Variants in ABCA12 observed in about 807,000 individuals in gnomAD.
ABCA12 encodes the protein glucosylceramide transporter ABCA12.
Under a neutral mutation model 293.5 loss-of-function variants are expected in ABCA12, and 156 were observed. The ratio of observed to expected loss-of-function variants is 0.53; its 90% confidence interval spans 0.47 to 0.61. ABCA12 has a LOEUF of 0.61. Ranked by LOEUF, ABCA12 falls within the 20% of genes least tolerant of loss-of-function variation. The probability of loss-of-function intolerance (pLI) is 0.00; values close to 1 mark genes in which losing one functional copy is unlikely to be tolerated. For missense variants in ABCA12, 2,797 were observed against 3,090.2 expected, an observed-to-expected ratio of 0.91 and a Z score of 2.25; for synonymous variants, 1,063 against 1,108.0, an observed-to-expected ratio of 0.96 and a Z score of 0.81.
chr2:215,016,939 T>C (rs1700518502), intron 14 of ABCA12, among the ~76,000 whole-genome samples: 1 of 152,208 alleles, frequency 6.6e-6, no homozygotes, highest in Non-Finnish European at 1.5e-5. Context: ...ACTCTCCATT[T>C]ACACGTTTTA....
intron 17 of ABCA12, 73 bp from the exon 18 acceptor site, chr2:215,010,543 G>A (rs1700349089): frequency 3.9e-6 from 6 of 1,527,338 alleles, no homozygotes; most frequent in Non-Finnish European, 5.4e-6. Flanking sequence ...CAAATTGACA[G>A]AGATTATTCT....
chr2:214,953,620 G>A (rs1006908079), intron 44 of ABCA12, among the ~76,000 whole-genome samples: 6 of 152,122 alleles, frequency 3.9e-5, no homozygotes, highest in Non-Finnish European at 7.4e-5. Context: ...TAACAACTGT[G>A]CTTATTTAAT....
intron 51 of ABCA12, among the ~76,000 whole-genome samples, chr2:214,936,999 ATAAT>A (rs1420536755): frequency 3.3e-5 from 5 of 152,162 alleles, no homozygotes; most frequent in African/African-American, 9.7e-5. Flanking sequence ...ACAAAAATAT[ATAAT>A]TAATTGATGC....
chr2:214,982,527 T>A, intron 29 of ABCA12, 144 bp from the exon 30 acceptor site: 1 of 645,024 alleles, frequency 1.6e-6, no homozygotes, highest in Non-Finnish European at 2.6e-6. Context: ...GGATTCATAA[T>A]ATAGTTTTCT....
intron 28 of ABCA12, among the ~76,000 whole-genome samples, chr2:214,984,083 A>C (rs1699731454): frequency 6.8e-6 from 1 of 147,604 alleles, no homozygotes; most frequent in Non-Finnish European, 1.5e-5. Context: ...TGATGACAAA[A>C]ACGATCAGGC....
intron 1 of ABCA12, among the ~76,000 whole-genome samples, chr2:215,125,308 T>C (rs1457297309): frequency 1.3e-5 from 2 of 152,162 alleles, no homozygotes; most frequent in African/African-American, 4.8e-5. Context: ...CATATGAATT[T>C]TAGAATTACT....
At chr2:214,963,664 A>G (rs188655940) in intron 39 of ABCA12, among the ~76,000 whole-genome samples, 116 of 150,484 alleles carry the variant, frequency 7.7e-4, no homozygotes, top group African/African-American at 2.6e-3. Context: ...CTGTAATCCC[A>G]GCACTTTGGG....
chr2:215,117,604 G>T lies in ABCA12; in HGVS notation c.70-5914C>A, dbSNP rs192511115. Among the ~76,000 whole-genome samples the T allele has an allele frequency of 4.7e-4, 71 of 152,186 alleles. 1 individual carries two copies. The highest frequency in any genetic ancestry group is 2.9e-5 in the Non-Finnish European group (2 of 68,004). ...GGCAAAGCATATAATTTCAACTTTA[G>T]GTCATCACTACTTTATTACGTTGTC... is the stretch of plus-strand genomic sequence containing the variant. On this transcript the variant is annotated intron_variant, in intron 1 of 52. Coordinates refer to ENST00000272895, the MANE Select transcript of ABCA12 (RefSeq NM_173076.3).
intron 23 of ABCA12, among the ~76,000 whole-genome samples, chr2:214,995,584 C>A (rs1228916712): frequency 2.0e-5 from 3 of 152,232 alleles, no homozygotes; most frequent in African/African-American, 7.2e-5. Context: ...CTGAGCTGAA[C>A]CTTACATCTT....
In ABCA12 at chr2:215,049,686, G is replaced by A; in HGVS notation, c.633C>T (p.Cys211=). The stretch of plus-strand genomic sequence containing the variant: ...ACTCTAAAAGGGTCATGTTAGAAAG[G>A]CAAAATTTGTTAAAAACATTTCTTC... ...FLGRNVFNKF[C]LSNMTLLESS... Residue 211 remains cysteine (C), a synonymous_variant, in exon 6 of 53, where the codon TGC becomes TGT. Transcript: ENST00000272895. 1 of 1,613,616 alleles carries A rather than the reference G, an allele frequency of 6.2e-7. No homozygotes were observed.
intron 7 of ABCA12, among the ~76,000 whole-genome samples, chr2:215,045,419 G>T (rs1430783261): frequency 1.3e-5 from 2 of 152,152 alleles, no homozygotes; most frequent in Admixed American, 1.3e-4. Flanking sequence ...TTACCAATAT[G>T]GTTGTTTTAT....
rs200854433 is a variant in ABCA12 at position 215,031,834 on chromosome 2, T to C, written c.1048A>G (p.Ser350Gly). 9.3e-6 allele frequency: 15 copies of C among 1,613,892 alleles called. 1 individual carries two copies. Among genetic ancestry groups the C allele is most frequent in the Admixed American group, 5.0e-5 (3 of 60,006 alleles). Residue 350 changes from serine (S) to glycine (G), a missense_variant, in exon 9 of 53, where the codon AGT becomes GGT. This residue lies in a region of ABCA12 where 656 missense variants were observed against 638.2 expected (regional missense o/e 1.03). Transcript: ENST00000272895. ...ACAAAGACTTACTGTGCAGCCAGAC[T>C]GCTTGGAGATAAGGTCTGTCCATCA... ...EDDGQTLSPS[S>G]LAAQLLILEN...
intron 41 of ABCA12, 104 bp downstream of exon 41, chr2:214,958,173 A>C: frequency 6.9e-7 from 1 of 1,453,256 alleles, no homozygotes; most frequent in East Asian, 2.3e-5. Flanking sequence ...TCTTTGTGAT[A>C]ACAATTTGAA....
At chr2:215,000,194 T>G (rs1452998172) in intron 22 of ABCA12, among the ~76,000 whole-genome samples, 1 of 152,206 alleles carries the variant, frequency 6.6e-6, no homozygotes, top group African/African-American at 2.4e-5. Flanking sequence ...GAACTGATAA[T>G]ACATGAAAGT....
In ABCA12 at chr2:215,011,627, A is replaced by G; in HGVS notation, c.2144T>C (p.Met715Thr). The change falls in exon 17 of 53, where the codon ATG becomes ACG. Residue 715 changes from methionine (M) to threonine (T), a missense_variant. By Grantham distance (81) the Met-to-Thr change is moderately conservative. This residue lies in a region of ABCA12 where 2,130 missense variants were observed against 2,427.0 expected (regional missense o/e 0.88). Coordinates refer to ENST00000272895, the MANE Select transcript of ABCA12 (RefSeq NM_173076.3). ...GCTAAATGATCCTTGTGGTGTGTTC[A>G]TTCGGTTGCTTCTGTACATTGCCTG... ...LTQAMYRSNR[M>T]NTPQGSFSTI... is the part of the protein sequence containing the mutation. 1 of 1,614,066 alleles carries G rather than the reference A, an allele frequency of 6.2e-7. No homozygotes were observed. Among genetic ancestry groups the G allele is most frequent in the Non-Finnish European group, 8.5e-7 (1 of 1,179,938 alleles).
At chr2:214,944,034 T>G (rs532036159) in intron 49 of ABCA12, among the ~76,000 whole-genome samples, 1 of 152,320 alleles carries the variant, frequency 6.6e-6, no homozygotes, top group Admixed American at 6.5e-5. Flanking sequence ...CTTAGCTGAT[T>G]GGAAGTGTCT....
chr2:214,978,448 T>C lies in ABCA12; in HGVS notation c.4996A>G (p.Lys1666Glu), dbSNP rs774203540. ...ATAGCACTATTTTTTTGTGACTCTT[T>C]GGTCAAGTTCAGAAAGACCTAGAAA... ...TVEEVFLNLTKESQKNSAMSL... is the reference protein window; with the variant it reads ...TVEEVFLNLTEESQKNSAMSL... The change falls in exon 33 of 53, where the codon AAA becomes GAA. Residue 1666 changes from lysine to glutamate, a missense_variant. Coordinates refer to ENST00000272895, the MANE Select transcript of ABCA12 (RefSeq NM_173076.3). 6.2e-7 allele frequency: 1 copy of C among 1,613,740 alleles called. No homozygotes were observed. Among genetic ancestry groups the C allele is most frequent in the Non-Finnish European group, 8.5e-7 (1 of 1,179,830 alleles).
chr2:214,951,098 A>G lies in ABCA12; in HGVS notation c.6648-15T>C. 2 of 1,607,418 alleles carry G rather than the reference A, an allele frequency of 1.2e-6. No individual in the cohort carries two copies. The highest frequency in any genetic ancestry group is 1.7e-6 in the Non-Finnish European group (2 of 1,174,490). ...TGAAGAAAAGCCTAAAAATGGACCC[A>G]GTGATTTTACGTCAATGATTTTGAA... is the stretch of plus-strand genomic sequence containing the variant. On this transcript the variant is annotated splice_polypyrimidine_tract_variant and intron_variant, in intron 44 of 52. Transcript: ENST00000272895.
At chr2:215,093,282 C>T (rs541027430) in intron 2 of ABCA12, among the ~76,000 whole-genome samples, 18 of 152,322 alleles carry the variant, frequency 1.2e-4, no homozygotes, top group African/African-American at 3.6e-4. Flanking sequence ...TCCTTTCCTT[C>T]CTAGGCATGG....
Sources: allele counts gnomAD v4.1 joint callset (sites outside exome capture counted in the v4.1 genomes callset), GRCh38; gene constraint gnomAD v4.1.1; regional missense constraint gnomAD v4.1.1; transcripts MANE v1.5; gene names NCBI Gene and HGNC (gene_info 2026-07-23, HGNC 2026-07-21).